Variants in MAGI2 observed in about 807,000 individuals in gnomAD.
The protein encoded by MAGI2 is membrane-associated guanylate kinase, WW and PDZ domain-containing protein 2.
In MAGI2, 35 loss-of-function variants were observed where a neutral mutation model predicts 133.3. The observed-to-expected ratio is 0.26, with a 90% CI of 0.20 to 0.35. The LOEUF is 0.35. Ranked by LOEUF, MAGI2 falls within the 10% of genes least tolerant of loss-of-function variation. MAGI2 has a pLI of 1.00. For missense variants in MAGI2, 1,636 were observed against 1,863.4 expected (o/e 0.88, Z 2.25); for synonymous variants, 729 against 710.6 (o/e 1.03, Z -0.41).
chr7:79,018,440 A>G (rs1808955787), intron 1 of MAGI2, among the ~76,000 whole-genome samples: 1 of 152,232 alleles, frequency 6.6e-6, no homozygotes, highest in South Asian at 2.1e-4. Flanking sequence ...CCACTACAAA[A>G]GCACATTTAA....
chr7:78,336,879 T>C (rs1437636857), intron 9 of MAGI2, among the ~76,000 whole-genome samples: 2 of 152,140 alleles, frequency 1.3e-5, no homozygotes, highest in Non-Finnish European at 1.5e-5. Flanking sequence ...ACTAATAAAA[T>C]GGATAAATAC....
intron 10 of MAGI2, among the ~76,000 whole-genome samples, chr7:78,238,184 T>A (rs772113439): frequency 6.6e-6 from 1 of 152,144 alleles, no homozygotes; most frequent in African/African-American, 2.4e-5. Context: ...AATGTTTCTC[T>A]TCTTTATTTG....
At chr7:78,481,403 T>G (rs919586531) in intron 6 of MAGI2, among the ~76,000 whole-genome samples, 1 of 151,946 alleles carries the variant, frequency 6.6e-6, no homozygotes, top group Non-Finnish European at 1.5e-5. Flanking sequence ...TGGGGCAAAC[T>G]GCCCCATAAT....
At chr7:78,159,837 T>C (rs1824791804) in intron 16 of MAGI2, 188 bp downstream of exon 16, 2 of 562,874 alleles carry the variant, frequency 3.6e-6, no homozygotes, top group African/African-American at 1.9e-5. Flanking sequence ...GCCTTCTTCT[T>C]GAGCCAGAGG....
chr7:79,046,959 G>A (rs957273795), intron 1 of MAGI2, among the ~76,000 whole-genome samples: 1 of 152,006 alleles, frequency 6.6e-6, no homozygotes. Context: ...ATTCTGGAAG[G>A]AAAAAGTAAT....
At chr7:78,639,116 A>G (rs1001668237) in intron 2 of MAGI2, among the ~76,000 whole-genome samples, 2 of 152,116 alleles carry the variant, frequency 1.3e-5, no homozygotes, top group Non-Finnish European at 2.9e-5. Flanking sequence ...TAACTTTATC[A>G]TTTTATCACT....
intron 3 of MAGI2, among the ~76,000 whole-genome samples, chr7:78,550,286 T>C (rs764219194): frequency 5.9e-5 from 9 of 152,150 alleles, no homozygotes; most frequent in Non-Finnish European, 8.8e-5. Context: ...CACCCATTCT[T>C]TGGGCACCTC....
chr7:78,709,163 A>C (rs1297445890), intron 2 of MAGI2, among the ~76,000 whole-genome samples: 1 of 152,112 alleles, frequency 6.6e-6, no homozygotes, highest in Non-Finnish European at 1.5e-5. Flanking sequence ...TCAAAATAAA[A>C]TCTGACGTCT....
chr7:78,359,364 A>G (rs1431284827), intron 7 of MAGI2: 2 of 152,258 alleles, frequency 1.3e-5, no homozygotes, highest in Non-Finnish European at 2.9e-5. Flanking sequence ...AGCTTAGACT[A>G]GGAAGATGTG....
At chr7:78,994,100 A>G (rs1175084831) in intron 2 of MAGI2, among the ~76,000 whole-genome samples, 1 of 152,014 alleles carries the variant, frequency 6.6e-6, no homozygotes, top group Admixed American at 6.6e-5. Flanking sequence ...TCACCATATT[A>G]TTGCGCCCAA....
intron 6 of MAGI2, among the ~76,000 whole-genome samples, chr7:78,434,440 G>A (rs1181373375): frequency 5.3e-5 from 8 of 152,192 alleles, no homozygotes; most frequent in Admixed American, 2.6e-4. Context: ...TAAAGAGATG[G>A]ATGGAAACAG....
At chr7:79,225,143 C>T (rs1830740637) in intron 1 of MAGI2, among the ~76,000 whole-genome samples, 1 of 152,190 alleles carries the variant, frequency 6.6e-6, no homozygotes, top group Admixed American at 6.5e-5. Flanking sequence ...CCATGCTAGG[C>T]TGTGGGCTTC....
chr7:78,296,098 C>G (rs1376751056), intron 9 of MAGI2, among the ~76,000 whole-genome samples: 1 of 152,182 alleles, frequency 6.6e-6, no homozygotes, highest in Non-Finnish European at 1.5e-5. Flanking sequence ...CGTCCTGCTT[C>G]TACTCTTGCC....
At chr7:79,078,453 T>C (rs1243446618) in intron 1 of MAGI2, among the ~76,000 whole-genome samples, 2 of 152,206 alleles carry the variant, frequency 1.3e-5, no homozygotes, top group African/African-American at 2.4e-5. Flanking sequence ...GGATTTCTTA[T>C]CTACCAAAGG....
intron 1 of MAGI2, among the ~76,000 whole-genome samples, chr7:79,295,195 G>A (rs1300557987): frequency 1.3e-5 from 2 of 151,970 alleles, no homozygotes; most frequent in East Asian, 3.9e-4. Context: ...ACAAAAAAAA[G>A]GTAAATGACA....
intron 1 of MAGI2, among the ~76,000 whole-genome samples, chr7:79,068,224 C>T (rs1242142207): frequency 6.6e-6 from 1 of 152,246 alleles, no homozygotes; most frequent in African/African-American, 2.4e-5. Flanking sequence ...GCTGTGAATC[C>T]ATCTGGTCCT....
chr7:79,352,545 G>C (rs1014497704), intron 1 of MAGI2, among the ~76,000 whole-genome samples: 3 of 152,230 alleles, frequency 2.0e-5, no homozygotes, highest in Non-Finnish European at 2.9e-5. Context: ...GCATGAGGGG[G>C]AAGGTGCAGT....
In MAGI2 at chr7:78,208,154, T is replaced by A. The variant is rs78286443; in HGVS notation, c.2048-6961A>T. Among the ~76,000 whole-genome samples, 254 of 85,146 alleles carry A rather than the reference T, an allele frequency of 3.0e-3. 1 individual carries two copies. Among genetic ancestry groups the A allele is most frequent in the East Asian group, 8.6e-3 (32 of 3,720 alleles). The allele number at this position is 85,146 out of a possible 152,430, so 55.9% of individuals were successfully genotyped here. A position where few individuals can be genotyped will look rare whatever the true frequency, so the allele number is the denominator to read the frequency against. The stretch of plus-strand genomic sequence containing the variant: ...AAGTGGCTTTTTTTTTTTTTTTTTT[T>A]TAATATGGGGAGCTGAGGCTTTCTC... On this transcript the variant is annotated intron_variant, in intron 10 of 21. Coordinates refer to ENST00000354212, the MANE Select transcript of MAGI2 (RefSeq NM_012301.4).
chr7:78,606,235 T>C (rs527481267), intron 3 of MAGI2, among the ~76,000 whole-genome samples: 3 of 152,136 alleles, frequency 2.0e-5, no homozygotes, highest in African/African-American at 7.2e-5. Context: ...TCAATCCAGA[T>C]GGAGGATGTA....
Sources: gnomAD v4.1 joint callset for allele counts (sites outside exome capture counted in the v4.1 genomes callset) on GRCh38, gnomAD v4.1.1 for gene constraint, MANE v1.5 for transcripts, NCBI Gene and HGNC (gene_info 2026-07-23, HGNC 2026-07-21) for gene names.